EPHA6: variants seen among roughly 807,000 people sequenced by gnomAD.
The protein encoded by EPHA6 is EPH receptor A6, also known as ephrin type-A receptor 6.
EPHA6 carries 50 observed loss-of-function variants against 112.0 expected under a neutral mutation model. The ratio of observed to expected loss-of-function variants is 0.45; its 90% CI spans 0.36 to 0.56. EPHA6 has a LOEUF of 0.56. Ranked by LOEUF, EPHA6 falls within the 20% of genes least tolerant of loss-of-function variation. The pLI is 0.00. For missense variants in EPHA6, 1,280 were observed against 1,417.4 expected (o/e 0.90, Z 1.56); for synonymous variants, 529 against 490.7 (o/e 1.08, Z -1.03).
At chr3:97,475,146 T>C (rs1164753936) in intron 7 of EPHA6, among the ~76,000 whole-genome samples, 1 of 152,078 alleles carries the variant, frequency 6.6e-6, no homozygotes, top group Non-Finnish European at 1.5e-5. Context: ...CAGGTTTATG[T>C]TGTGGGTTAT....
At chr3:97,196,696 G>A (rs1201753269) in intron 3 of EPHA6, among the ~76,000 whole-genome samples, 1 of 151,324 alleles carries the variant, frequency 6.6e-6, no homozygotes, top group Non-Finnish European at 1.5e-5. Context: ...ACATTATGAG[G>A]CACACCAATC....
chr3:97,339,838 G>A (rs148306134), intron 5 of EPHA6, among the ~76,000 whole-genome samples: 1 of 151,646 alleles, frequency 6.6e-6, no homozygotes, highest in African/African-American at 2.4e-5. Flanking sequence ...TGAACTGAGC[G>A]ACAAGGACTG....
At chr3:97,585,563 G>A (rs1009199890) in intron 11 of EPHA6, among the ~76,000 whole-genome samples, 4 of 152,090 alleles carry the variant, frequency 2.6e-5, no homozygotes, top group African/African-American at 9.7e-5. Flanking sequence ...ATTTAACAAG[G>A]GGATGAAATA....
At chr3:97,074,961 C>T (rs1230613064) in intron 3 of EPHA6, among the ~76,000 whole-genome samples, 1 of 151,916 alleles carries the variant, frequency 6.6e-6, no homozygotes, top group Non-Finnish European at 1.5e-5. Context: ...GAAAAGTTCT[C>T]AATGGTACCG....
intron 10 of EPHA6, among the ~76,000 whole-genome samples, chr3:97,520,151 T>A (rs377267447): frequency 7.9e-5 from 12 of 152,070 alleles, no homozygotes; most frequent in African/African-American, 2.9e-4. Flanking sequence ...GTGTTCTTAG[T>A]AGAGATGGGG....
At chr3:96,843,855 C>T (rs765866860) in intron 1 of EPHA6, among the ~76,000 whole-genome samples, 14 of 151,850 alleles carry the variant, frequency 9.2e-5, no homozygotes, top group Non-Finnish European at 2.1e-4. Flanking sequence ...CTTTTTTTAA[C>T]TCTCCCCTTC....
intron 3 of EPHA6, among the ~76,000 whole-genome samples, chr3:97,050,699 C>A (rs893962184): frequency 2.6e-5 from 4 of 152,084 alleles, no homozygotes; most frequent in African/African-American, 9.7e-5. Flanking sequence ...ATATTGAGCA[C>A]AAAGATTGCT....
intron 5 of EPHA6, among the ~76,000 whole-genome samples, chr3:97,299,590 T>A (rs1355481768): frequency 6.6e-6 from 1 of 152,158 alleles, no homozygotes; most frequent in Admixed American, 6.5e-5. Context: ...AAGGAAGTTT[T>A]AAGAACACTG....
At chr3:97,001,016 T>TTATATATATATA (rs1334953124) in intron 3 of EPHA6, among the ~76,000 whole-genome samples, 2 of 83,208 alleles carry the variant, frequency 2.4e-5, no homozygotes, top group African/African-American at 1.5e-4. Flanking sequence ...AGTCAGAAAT[T>TTATATATATATA]GATATATATA....
chr3:97,473,617 G>GT (rs931957287), intron 7 of EPHA6, among the ~76,000 whole-genome samples: 3 of 151,756 alleles, frequency 2.0e-5, no homozygotes, highest in African/African-American at 4.8e-5. Context: ...AGTAAATAAT[G>GT]TTTTTTGGGT....
chr3:97,586,713 G>A (rs1424639642), intron 11 of EPHA6, among the ~76,000 whole-genome samples: 1 of 145,650 alleles, frequency 6.9e-6, no homozygotes, highest in African/African-American at 2.8e-5. Context: ...ATGATGGATG[G>A]ATGGATGGAT....
chr3:97,239,807 C>T (rs760084198), intron 4 of EPHA6, among the ~76,000 whole-genome samples: 1 of 151,742 alleles, frequency 6.6e-6, no homozygotes, highest in African/African-American at 2.4e-5. Context: ...AAAAAGATTC[C>T]TCAATGTAAG....
intron 3 of EPHA6, among the ~76,000 whole-genome samples, chr3:97,114,618 C>G: frequency 6.6e-6 from 1 of 151,878 alleles, no homozygotes; most frequent in Non-Finnish European, 1.5e-5. Context: ...CTAGAGCTTC[C>G]CATTTAAGAC....
intron 5 of EPHA6, among the ~76,000 whole-genome samples, chr3:97,321,211 C>T (rs1313366841): frequency 6.6e-6 from 1 of 151,918 alleles, no homozygotes; most frequent in Non-Finnish European, 1.5e-5. Context: ...ATCAAGTTAT[C>T]ATACTTATTT....
chr3:97,758,085 T>G lies in EPHA6; in HGVS notation c.*9384T>G, dbSNP rs1027136346. Among the ~76,000 whole-genome samples, 4 of 152,030 alleles carry G rather than the reference T, an allele frequency of 2.6e-5. No homozygotes were observed. The highest frequency in any genetic ancestry group is 9.6e-5 in the African/African-American group (4 of 41,460). On this transcript the variant is annotated 3_prime_UTR_variant, in exon 18 of 18. Transcript: ENST00000389672. ...AAAAAAGAACATATATTTTTTATAG[T>G]TACTTCTCACTACTTACTGCTTATT...
chr3:97,259,642 A>C (rs1013720875), intron 5 of EPHA6, among the ~76,000 whole-genome samples: 1 of 152,204 alleles, frequency 6.6e-6, no homozygotes, highest in Non-Finnish European at 1.5e-5. Flanking sequence ...AGGAGCAAGC[A>C]TTTATTAAGT....
intron 2 of EPHA6, among the ~76,000 whole-genome samples, chr3:96,870,054 C>G (rs571085139): frequency 1.4e-4 from 22 of 152,112 alleles, no homozygotes; most frequent in African/African-American, 5.1e-4. Context: ...GAAACTTACC[C>G]TGAAATACTT....
intron 10 of EPHA6, among the ~76,000 whole-genome samples, chr3:97,498,302 T>C (rs1463750753): frequency 8.4e-6 from 1 of 119,134 alleles, no homozygotes; most frequent in Non-Finnish European, 1.7e-5. Flanking sequence ...TAAATGTGCA[T>C]AGCCAAAGAA....
At chr3:97,433,953 T>C (rs1677942766) in intron 6 of EPHA6, among the ~76,000 whole-genome samples, 1 of 152,068 alleles carries the variant, frequency 6.6e-6, no homozygotes, top group African/African-American at 2.4e-5. Flanking sequence ...ATGGAGAAAA[T>C]CCTTTACCAC....
Sources: allele counts gnomAD v4.1 joint callset (sites outside exome capture counted in the v4.1 genomes callset), GRCh38; gene constraint gnomAD v4.1.1; transcripts MANE v1.5; gene names NCBI Gene and HGNC (gene_info 2026-07-23, HGNC 2026-07-21).